PANX3: variants seen among roughly 807,000 people sequenced by gnomAD.
PANX3 encodes the protein pannexin-3.
PANX3 carries 18 observed loss-of-function variants against 31.5 expected under a neutral mutation model. That is an observed-to-expected ratio of 0.57 (90% CI 0.39 to 0.85). The LOEUF (loss-of-function observed/expected upper bound fraction) is 0.85. Ranked by LOEUF, PANX3 falls within the 40% of genes least tolerant of loss-of-function variation. PANX3 has a pLI of 0.00. For missense variants in PANX3, 426 were observed against 485.4 expected (o/e 0.88, Z 1.15); for synonymous variants, 194 against 201.6 (o/e 0.96, Z 0.32).
In PANX3 at chr11:124,620,300, C is replaced by A; in HGVS notation, c.*365C>A. On this transcript the variant is annotated 3_prime_UTR_variant, in exon 4 of 4. Transcript: ENST00000284288. ...TCTTGAACGCACATTCAGCTTACCC[C>A]AGAGAGCAAGTGAGGCAATCTGGCA... The A allele has an allele frequency of 5.6e-6, 1 of 177,712 alleles. No homozygotes were observed. The highest frequency in any genetic ancestry group is 6.0e-5 in the Admixed American group (1 of 16,734). 11.0% of individuals were successfully genotyped at this position (177,712 alleles called of 1,614,324 possible). A position where few individuals can be genotyped will look rare whatever the true frequency, so the allele number is the denominator to read the frequency against.
chr11:124,613,159 G>A (rs1863115140), intron 2 of PANX3, 37 bp downstream of exon 2: 3 of 1,602,976 alleles, frequency 1.9e-6, no homozygotes, highest in Admixed American at 1.7e-5. Context: ...CTTCACGGCT[G>A]AGTGGAGTGG....
At chr11:124,613,192 C>A in intron 2 of PANX3, 70 bp downstream of exon 2, 1 of 1,542,726 alleles carries the variant, frequency 6.5e-7, no homozygotes, top group East Asian at 2.3e-5. Context: ...TCATTCTACT[C>A]CCTCTTGCCT....
chr11:124,617,572 T>G, intron 3 of PANX3, 84 bp downstream of exon 3: 1 of 1,350,612 alleles, frequency 7.4e-7, no homozygotes. Flanking sequence ...TAAATGATCT[T>G]CCATGCCATC....
In PANX3 at chr11:124,619,732, C is replaced by G. The variant is rs759678974; in HGVS notation, c.976C>G (p.Leu326Val). The G allele has an allele frequency of 8.1e-6, 13 of 1,614,080 alleles. No homozygotes were observed. Among genetic ancestry groups the G allele is most frequent in the African/African-American group, 1.3e-5 (1 of 74,914 alleles). Residue 326 changes from leucine (L) to valine (V), a missense_variant, in exon 4 of 4, where the codon CTC (leucine) becomes GTC (valine). Physicochemically the swap from Leu to Val is conservative, Grantham distance 32 (BLOSUM62 1). Coordinates refer to ENST00000284288, the MANE Select transcript of PANX3 (RefSeq NM_052959.3). ...RKMLGCPIND[L>V]NVILLFLRAN... ...GATGCTAGGATGTCCCATCAATGACCTCAATGTGATCCTTCTTTTCCTCCG... is the reference window on the plus strand; with the variant it reads ...GATGCTAGGATGTCCCATCAATGACGTCAATGTGATCCTTCTTTTCCTCCG...
chr11:124,616,980 T>G lies in PANX3; in HGVS notation c.325-294T>G, dbSNP rs913909684. Among the ~76,000 whole-genome samples, 1 of 147,610 alleles carries G rather than the reference T, an allele frequency of 6.8e-6. No homozygotes were observed. The highest frequency in any genetic ancestry group is 6.7e-5 in the Admixed American group (1 of 14,848). ...CCTCTCCTCTCTCTCTCTCTCCTTATTCTCTCTCTCTCTCCTTATTCTCTC... is the reference window on the plus strand; with the variant it reads ...CCTCTCCTCTCTCTCTCTCTCCTTAGTCTCTCTCTCTCTCCTTATTCTCTC... On this transcript the variant is annotated intron_variant, in intron 2 of 3. Coordinates refer to ENST00000284288, the MANE Select transcript of PANX3 (RefSeq NM_052959.3). The surrounding 1 kb of genome is among the most constrained non-coding windows in gnomAD (Gnocchi z 4.8).
At chr11:124,615,114 T>C (rs1863138386) in intron 2 of PANX3, among the ~76,000 whole-genome samples, 1 of 150,940 alleles carries the variant, frequency 6.6e-6, no homozygotes, top group Non-Finnish European at 1.5e-5. Context: ...GACAGAGTCT[T>C]ACTCTGATGC....
In PANX3 at chr11:124,611,831, G is replaced by A. The variant is rs117901607; in HGVS notation, c.181+94G>A. 1.1e-3 allele frequency: 1,502 copies of A among 1,347,376 alleles called. 2 individuals carry two copies. Among genetic ancestry groups the A allele is most frequent in the Non-Finnish European group, 1.4e-3 (1,387 of 989,464 alleles). 83.5% of individuals were successfully genotyped at this position (1,347,376 alleles called of 1,614,324 possible). On this transcript the variant is annotated intron_variant, in intron 1 of 3. Transcript: ENST00000284288. Reference sequence around the variant, plus strand: ...AAGTGAGATGGTGCGCACAGTGACGGGATTCCATGGCTTCGGGCTGGGCTG... The same window carrying A: ...AAGTGAGATGGTGCGCACAGTGACGAGATTCCATGGCTTCGGGCTGGGCTG...
chr11:124,614,167 TAAAAAAA>T (rs71042444), intron 2 of PANX3, among the ~76,000 whole-genome samples: 105 of 73,482 alleles, frequency 1.4e-3, no homozygotes, highest in African/African-American at 2.8e-3. Flanking sequence ...ATCTAAATGG[TAAAAAAA>T]AAAAAAAAAA....
At chr11:124,613,262 C>G (rs1287552195) in intron 2 of PANX3, 140 bp downstream of exon 2, 1 of 1,086,258 alleles carries the variant, frequency 9.2e-7, no homozygotes, top group Non-Finnish European at 1.3e-6. Context: ...TTCAGGCATT[C>G]TCTGAATCTG....
chr11:124,619,290 G>C lies in PANX3; in HGVS notation c.540-6G>C. 1 of 1,607,934 alleles carries C rather than the reference G, an allele frequency of 6.2e-7. No individual in the cohort carries two copies. ...CTAACCTTGCCTCCTTCCTTCCACT[G>C]CCCAGGGCTCGGAAAGAACGATACT... On this transcript the variant is annotated splice_polypyrimidine_tract_variant and splice_region_variant and intron_variant, in intron 3 of 3. Transcript: ENST00000284288.
Position 124,619,994 on chromosome 11 carries a change from T to C in PANX3, c.*59T>C, listed in dbSNP as rs1863198769. Reference sequence around the variant, plus strand: ...AGTCTCTCTCCTTCCTCATAAGACATGCACACTAATACACATACACACCAA... The same window carrying C: ...AGTCTCTCTCCTTCCTCATAAGACACGCACACTAATACACATACACACCAA... On this transcript the variant is annotated 3_prime_UTR_variant, in exon 4 of 4. Transcript: ENST00000284288. 1 of 1,523,444 alleles carries C rather than the reference T, an allele frequency of 6.6e-7. No homozygotes were observed. Among genetic ancestry groups the C allele is most frequent in the African/African-American group, 1.4e-5 (1 of 71,848 alleles). 94.4% of individuals were successfully genotyped at this position (1,523,444 alleles called of 1,614,324 possible). A position where few individuals can be genotyped will look rare whatever the true frequency, so the allele number is the denominator to read the frequency against.
In PANX3 at chr11:124,619,393, A is replaced by G; in HGVS notation, c.637A>G (p.Asn213Asp). 6.2e-7 allele frequency: 1 copy of G among 1,614,144 alleles called. No homozygotes were observed. Among genetic ancestry groups the G allele is most frequent in the South Asian group, 1.1e-5 (1 of 91,086 alleles). Residue 213 changes from asparagine (N) to aspartate (D), a missense_variant, in exon 4 of 4, where the codon AAC becomes GAC. By Grantham distance (23) the Asn-to-Asp change is conservative. Coordinates refer to ENST00000284288, the MANE Select transcript of PANX3 (RefSeq NM_052959.3). The part of the protein sequence containing the change: ...HSLVATYLLR[N>D]SLLLIFTSAT... ...GCTAGTGGCTACCTACCTCCTGAGG[A>G]ACTCCCTCTTGCTCATCTTCACCTC...
intron 2 of PANX3, among the ~76,000 whole-genome samples, chr11:124,613,406 TC>T (rs1223502387): frequency 2.6e-5 from 4 of 152,288 alleles, no homozygotes; most frequent in African/African-American, 9.6e-5. Context: ...GACTCTGTAG[TC>T]CTTTCTCCTG....
intron 1 of PANX3, among the ~76,000 whole-genome samples, chr11:124,612,346 A>G (rs1279446261): frequency 2.0e-5 from 3 of 152,230 alleles, no homozygotes; most frequent in African/African-American, 7.2e-5. Context: ...CCTTTGTTAA[A>G]GAGAATGTGG....
In PANX3 at chr11:124,620,188, T is replaced by G. The variant is rs967082417; in HGVS notation, c.*253T>G. On this transcript the variant is annotated 3_prime_UTR_variant, in exon 4 of 4. Transcript: ENST00000284288. The stretch of plus-strand genomic sequence containing the variant: ...TTAAGTCTAGAACATTCTATGAGGA[T>G]AGTATAAATAAAAAGAAATACAGTC... 9 of 436,820 alleles carry G rather than the reference T, an allele frequency of 2.1e-5. No homozygotes were observed. The highest frequency in any genetic ancestry group is 3.6e-5 in the Non-Finnish European group (9 of 250,340). The allele number at this position is 436,820 out of a possible 1,614,324, so 27.1% of individuals were successfully genotyped here. A position where few individuals can be genotyped will look rare whatever the true frequency, so the allele number is the denominator to read the frequency against.
At chr11:124,618,363 C>T (rs752502571) in intron 3 of PANX3, among the ~76,000 whole-genome samples, 6 of 152,212 alleles carry the variant, frequency 3.9e-5, no homozygotes, top group Non-Finnish European at 8.8e-5. Flanking sequence ...TTGAAGGCCA[C>T]ACTGTTACCT....
At chr11:124,617,775 C>A (rs1230879355) in intron 3 of PANX3, among the ~76,000 whole-genome samples, 1 of 152,208 alleles carries the variant, frequency 6.6e-6, no homozygotes, top group Non-Finnish European at 1.5e-5. Context: ...TTCATGCCTA[C>A]CAAAGAATAC....
chr11:124,613,574 G>A (rs936038154), intron 2 of PANX3, among the ~76,000 whole-genome samples: 10 of 152,066 alleles, frequency 6.6e-5, no homozygotes, highest in Non-Finnish European at 5.9e-5. Flanking sequence ...GTCCCAGCAC[G>A]GCTCCCCTGC....
rs1863198635 is a variant in PANX3 at position 124,619,986 on chromosome 11, A to G, written c.*51A>G. The G allele has an allele frequency of 5.2e-6, 8 of 1,537,042 alleles. No homozygotes were observed. In the East Asian group the frequency reaches 1.8e-4, roughly 35 times the overall value. On this transcript the variant is annotated 3_prime_UTR_variant, in exon 4 of 4. Transcript: ENST00000284288. ...TTGTGGAAAGTCTCTCTCCTTCCTC[A>G]TAAGACATGCACACTAATACACATA...
Sources: gnomAD v4.1 joint callset for allele counts (sites outside exome capture counted in the v4.1 genomes callset) on GRCh38, gnomAD v4.1.1 for gene constraint, Gnocchi (gnomAD v3.1) non-coding constraint, MANE v1.5 for transcripts, NCBI Gene and HGNC (gene_info 2026-07-23, HGNC 2026-07-21) for gene names.